The following TJP1 variants were observed in gnomAD, a reference collection of about 807,000 sequenced individuals.
TJP1 encodes the protein tight junction protein 1.
A neutral mutation model predicts 194.2 loss-of-function variants in TJP1; 43 were observed. The observed-to-expected ratio is 0.22, with a 90% CI of 0.17 to 0.29. The LOEUF is 0.29. Ranked by LOEUF, TJP1 falls within the 10% of genes least tolerant of loss-of-function variation. TJP1 has a pLI of 1.00. For synonymous variants in TJP1, 801 were observed against 779.0 expected (o/e 1.03, Z -0.47); for missense variants, 1,971 against 2,185.7 (o/e 0.90, Z 1.96).
intron 2 of TJP1, among the ~76,000 whole-genome samples, chr15:29,844,365 G>A (rs890205837): frequency 1.3e-5 from 2 of 152,108 alleles, no homozygotes; most frequent in Non-Finnish European, 2.9e-5. Context: ...CACTGCACCC[G>A]GCCCACAGTG....
chr15:29,707,495 C>T (rs2041970475), intron 25 of TJP1, among the ~76,000 whole-genome samples: 1 of 152,208 alleles, frequency 6.6e-6, no homozygotes, highest in African/African-American at 2.4e-5. Context: ...CAGTGACCGC[C>T]ATAACCATCC....
chr15:29,787,196 T>C lies in TJP1; in HGVS notation c.84+13450A>G, dbSNP rs45570734. Among the ~76,000 whole-genome samples, 1,233 of 152,310 alleles carry C rather than the reference T, an allele frequency of 8.1e-3. 8 individuals are homozygous for C. Among genetic ancestry groups the C allele is most frequent in the Non-Finnish European group, 0.014 (930 of 68,016 alleles). The stretch of plus-strand genomic sequence containing the variant: ...TCAATGGTTTTTAGTATGTACACAG[T>C]TGTAACCATCACTGGTTACAGATGG... On this transcript the variant is annotated intron_variant, in intron 2 of 27. Transcript: ENST00000614355.
intron 2 of TJP1, among the ~76,000 whole-genome samples, chr15:29,845,266 C>G (rs1220249994): frequency 6.6e-6 from 1 of 152,152 alleles, no homozygotes; most frequent in African/African-American, 2.4e-5. Flanking sequence ...CAGGCTATGT[C>G]TCTTCCTCTC....
At chr15:29,794,420 G>T (rs934793707) in intron 2 of TJP1, among the ~76,000 whole-genome samples, 2 of 152,116 alleles carry the variant, frequency 1.3e-5, no homozygotes, top group Admixed American at 1.3e-4. Flanking sequence ...ACAGAAAGAA[G>T]CCAGGTACAA....
chr15:29,822,394 A>G lies in TJP1; in HGVS notation c.-366T>C. On this transcript the variant is annotated 5_prime_UTR_variant, in exon 1 of 28. Transcript: ENST00000614355. The stretch of plus-strand genomic sequence containing the variant: ...CCTCGGAAGCCGGCTTCGCCACGTA[A>G]CTTCCCGGGAACCGGCGGCCGCCAA... The G allele has an allele frequency of 9.9e-7, 1 of 1,005,278 alleles. No individual in the cohort carries two copies. Among genetic ancestry groups the G allele is most frequent in the Non-Finnish European group, 1.2e-6 (1 of 843,000 alleles). 62.3% of individuals were successfully genotyped at this position (1,005,278 alleles called of 1,614,324 possible).
chr15:29,899,430 C>T, intron 2 of TJP1, among the ~76,000 whole-genome samples: 1 of 152,146 alleles, frequency 6.6e-6, no homozygotes, highest in Non-Finnish European at 1.5e-5. Flanking sequence ...ATTTACTTTC[C>T]TACTTCATTT....
At chr15:29,720,819 T>A in intron 18 of TJP1, 111 bp from the exon 19 acceptor site, 1 of 870,090 alleles carries the variant, frequency 1.1e-6, no homozygotes, top group Non-Finnish European at 1.7e-6. Context: ...AAGTCACATC[T>A]ACTTCTTGAA....
At chr15:29,771,590 G>T (rs2046681947) in intron 4 of TJP1, among the ~76,000 whole-genome samples, 1 of 152,064 alleles carries the variant, frequency 6.6e-6, no homozygotes, top group African/African-American at 2.4e-5. Context: ...CAGATCACGA[G>T]GTCAGGAGAT....
rs374380329 is a variant in TJP1, at chr15:29,845,156, G to T, written c.307-44454C>A. Among the ~76,000 whole-genome samples the T allele has an allele frequency of 5.3e-5, 8 of 152,286 alleles. No homozygotes were observed. In the East Asian group the frequency reaches 1.2e-3, roughly 22 times the overall value. ...AAGCAGTTTTTAATGTTTTAATAAG[G>T]TCTTAAGTTTAAGATGAGAATTTGC... On this transcript the variant is annotated intron_variant, in intron 2 of 28. Transcript: ENST00000356107.
Position 29,716,797 on chromosome 15 carries a change from T to C in TJP1, c.4016A>G (p.Asp1339Gly), listed in dbSNP as rs776770606. ...PQKPQLKPPE[D>G]IVRSNHYDPE... ...GTCATAATGATTGGACCGAACAATATCTTCAGGTGGCTTCAGTTGAGGTTT... is the reference window on the plus strand; with the variant it reads ...GTCATAATGATTGGACCGAACAATACCTTCAGGTGGCTTCAGTTGAGGTTT... The change falls in exon 23 of 28, where the codon GAT becomes GGT. Residue 1339 changes from aspartate (D) to glycine (G), a missense_variant. Around this residue, in one of 5 missense-constraint regions of TJP1, gnomAD observed 1,108 missense variants for 1,128.5 expected, o/e 0.98. Transcript: ENST00000614355. 4 of 1,607,924 alleles carry C rather than the reference T, an allele frequency of 2.5e-6. No homozygotes were observed. Among genetic ancestry groups the C allele is most frequent in the East Asian group, 2.2e-5 (1 of 44,708 alleles).
At chr15:29,904,124 G>A (rs2053726693) in intron 2 of TJP1, among the ~76,000 whole-genome samples, 1 of 152,132 alleles carries the variant, frequency 6.6e-6, no homozygotes, top group Non-Finnish European at 1.5e-5. Context: ...CGGAGACCAG[G>A]GGTGGGCAAA....
At chr15:29,913,636 C>A (rs943168530) in intron 2 of TJP1, among the ~76,000 whole-genome samples, 1 of 151,996 alleles carries the variant, frequency 6.6e-6, no homozygotes, top group Non-Finnish European at 1.5e-5. Flanking sequence ...TTATGAAGAT[C>A]GCATTTCTGG....
At chr15:29,711,255 G>A (rs1391032061) in intron 23 of TJP1, among the ~76,000 whole-genome samples, 1 of 152,198 alleles carries the variant, frequency 6.6e-6, no homozygotes, top group Non-Finnish European at 1.5e-5. Flanking sequence ...AAAGGCAGGT[G>A]AAATTTTGGG....
At chr15:29,769,959 G>A (rs552213832) in intron 4 of TJP1, among the ~76,000 whole-genome samples, 2 of 152,022 alleles carry the variant, frequency 1.3e-5, no homozygotes, top group Admixed American at 6.5e-5. Flanking sequence ...TCCTTCAGGA[G>A]GTGTTCCACA....
intron 2 of TJP1, among the ~76,000 whole-genome samples, chr15:29,953,988 C>G (rs1188798658): frequency 6.6e-6 from 1 of 152,206 alleles, no homozygotes; most frequent in Non-Finnish European, 1.5e-5. Flanking sequence ...AACTTTTCCT[C>G]TCTTTTAACA....
intron 2 of TJP1, among the ~76,000 whole-genome samples, chr15:29,875,076 A>T (rs1328784585): frequency 1.3e-5 from 2 of 152,136 alleles, no homozygotes; most frequent in East Asian, 3.9e-4. Context: ...TTACATAAAG[A>T]TTTTTTATTT....
At chr15:29,843,468 C>T (rs1024657465) in intron 2 of TJP1, among the ~76,000 whole-genome samples, 3 of 152,132 alleles carry the variant, frequency 2.0e-5, no homozygotes, top group African/African-American at 4.8e-5. Flanking sequence ...GGATTACAGG[C>T]GTGAGCCACC....
intron 2 of TJP1, among the ~76,000 whole-genome samples, chr15:29,788,157 T>C (rs2047824464): frequency 6.6e-6 from 1 of 152,250 alleles, no homozygotes. Flanking sequence ...TTCAACTGAT[T>C]TGTCTTTTTA....
chr15:29,741,290 T>C (rs1236393607), intron 10 of TJP1, 41 bp downstream of exon 10: 5 of 1,448,976 alleles, frequency 3.5e-6, no homozygotes, highest in Middle Eastern at 3.5e-4. Context: ...ATAATGTTAA[T>C]AATGAACAAA....
Sources: allele counts gnomAD v4.1 joint callset (sites outside exome capture counted in the v4.1 genomes callset), GRCh38; gene constraint gnomAD v4.1.1; regional missense constraint gnomAD v4.1.1; transcripts MANE v1.5; gene names NCBI Gene and HGNC (gene_info 2026-07-23, HGNC 2026-07-21).